Variants in KAT6B observed in about 807,000 individuals in gnomAD.
The protein encoded by KAT6B is lysine acetyltransferase 6B.
A neutral mutation model predicts 187.5 loss-of-function variants in KAT6B; 10 were observed. The observed-to-expected ratio is 0.05, with a 90% CI of 0.03 to 0.09. The LOEUF (loss-of-function observed/expected upper bound fraction) is 0.09. Ranked by LOEUF, KAT6B falls within the 10% of genes least tolerant of loss-of-function variation. The pLI, the probability that KAT6B is intolerant of heterozygous loss-of-function variation, is 1.00. For synonymous variants in KAT6B, 861 were observed against 926.8 expected, an observed-to-expected ratio of 0.93 and a Z score of 1.29; for missense variants, 1,952 against 2,558.9, an observed-to-expected ratio of 0.76 and a Z score of 5.12.
chr10:74,874,796 G>C (rs1345714811), intron 3 of KAT6B, among the ~76,000 whole-genome samples: 2 of 152,060 alleles, frequency 1.3e-5, no homozygotes, highest in African/African-American at 4.8e-5. Context: ...TATGTTTTGT[G>C]TGTGGGTGGT....
At chr10:74,922,104 G>A (rs990629094) in intron 3 of KAT6B, among the ~76,000 whole-genome samples, 4 of 152,096 alleles carry the variant, frequency 2.6e-5, no homozygotes, top group African/African-American at 9.7e-5. Flanking sequence ...AGCTTCTGTA[G>A]ATGTGTCTAA....
Position 75,030,848 on chromosome 10 carries a change from C to T in KAT6B, c.6024C>T (p.Ser2008=), listed in dbSNP as rs929348437. 4 of 1,614,216 alleles carry T rather than the reference C, an allele frequency of 2.5e-6. No individual in the cohort carries two copies. The East Asian group carries it at 8.9e-5, about 36-fold the overall frequency. Residue 2008 remains serine, a synonymous_variant, in exon 18 of 18, where the codon AGC becomes AGT. Coordinates refer to ENST00000287239, the MANE Select transcript of KAT6B (RefSeq NM_012330.4). This position sits in a 1 kb window ranked among gnomAD's most constrained non-coding sequence, Gnocchi z 4.8. The stretch of plus-strand genomic sequence containing the variant: ...CAATGATGAACAGTGGCTACCACAG[C>T]AATCATGGCTATATGAATCAAACGC... ...SQPMMNSGYH[S]NHGYMNQTPQ... is the part of the protein sequence containing the mutation.
chr10:74,853,818 C>T (rs1428346444), intron 3 of KAT6B, among the ~76,000 whole-genome samples: 2 of 149,194 alleles, frequency 1.3e-5, no homozygotes, highest in African/African-American at 4.9e-5. Context: ...TTAGTAGAGA[C>T]GGGGGTTTCA....
intron 2 of KAT6B, among the ~76,000 whole-genome samples, chr10:74,841,749 G>A (rs950049324): frequency 1.3e-5 from 2 of 152,164 alleles, no homozygotes; most frequent in African/African-American, 4.8e-5. Flanking sequence ...ATTAAGAAGT[G>A]GATGTTATCA....
chr10:74,871,787 A>G (rs1309225353), intron 3 of KAT6B, among the ~76,000 whole-genome samples: 1 of 152,224 alleles, frequency 6.6e-6, no homozygotes, highest in Non-Finnish European at 1.5e-5. Flanking sequence ...GGTGCTAGAA[A>G]CACAGACATC....
chr10:74,847,920 CTT>C (rs528371220), intron 3 of KAT6B, among the ~76,000 whole-genome samples: 15 of 131,774 alleles, frequency 1.1e-4, no homozygotes, highest in Non-Finnish European at 1.8e-4. Context: ...TTTTCTTTTT[CTT>C]TTTTTTTTTT....
chr10:74,933,502 G>A (rs1849027359), intron 3 of KAT6B, among the ~76,000 whole-genome samples: 2 of 152,178 alleles, frequency 1.3e-5, no homozygotes, highest in South Asian at 2.1e-4. Flanking sequence ...CTGGTTGTAT[G>A]CTGTTAAAAA....
chr10:75,025,932 GC>G (rs947228754), intron 17 of KAT6B: 8 of 152,514 alleles, frequency 5.2e-5, no homozygotes, highest in African/African-American at 1.9e-4. Context: ...GACTGAGGCA[GC>G]TGGATCACTT....
chr10:74,936,883 A>C lies in KAT6B; in HGVS notation c.622-23087A>C, dbSNP rs1054149650. Among the ~76,000 whole-genome samples the C allele has an allele frequency of 2.6e-5, 4 of 152,264 alleles. No individual in the cohort carries two copies. The East Asian group carries it at 7.7e-4, about 29-fold the overall frequency. ...GTTTTGTATAATAAAATTATTAGAG[A>C]AGTTATGAAGGAGGATGGCATGAGA... On this transcript the variant is annotated intron_variant, in intron 3 of 17. Coordinates refer to ENST00000287239, the MANE Select transcript of KAT6B (RefSeq NM_012330.4).
chr10:74,925,038 A>AT (rs1848392558), intron 3 of KAT6B, among the ~76,000 whole-genome samples: 1 of 152,030 alleles, frequency 6.6e-6, no homozygotes, highest in African/African-American at 2.4e-5. Context: ...CAAAATGTAA[A>AT]TTTACTTTTA....
chr10:74,999,156 A>T (rs1843652816), intron 13 of KAT6B, among the ~76,000 whole-genome samples: 1 of 152,250 alleles, frequency 6.6e-6, no homozygotes, highest in Non-Finnish European at 1.5e-5. Context: ...GACAGTGAGG[A>T]TGCATGGAAA....
intron 1 of KAT6B, among the ~76,000 whole-genome samples, chr10:74,838,467 A>T (rs767962046): frequency 1.3e-5 from 2 of 152,210 alleles, no homozygotes; most frequent in Non-Finnish European, 2.9e-5. Flanking sequence ...TTACTTCTAT[A>T]GGCACTTGGC....
chr10:74,982,081 T>G (rs982098825), intron 11 of KAT6B, 153 bp downstream of exon 11: 22 of 675,878 alleles, frequency 3.3e-5, no homozygotes, highest in Non-Finnish European at 5.4e-5. Context: ...TGTTTTGGAA[T>G]GTTTATCTAA....
chr10:74,839,938 GTAGATGACA>G, intron 2 of KAT6B, among the ~76,000 whole-genome samples: 1 of 152,306 alleles, frequency 6.6e-6, no homozygotes, highest in East Asian at 1.9e-4. Flanking sequence ...TATTAGATTT[GTAGATGACA>G]TAGATGACAG....
intron 3 of KAT6B, among the ~76,000 whole-genome samples, chr10:74,908,828 AT>A (rs1173959187): frequency 6.6e-6 from 1 of 151,972 alleles, no homozygotes; most frequent in East Asian, 1.9e-4. Flanking sequence ...TTTAAAAATT[AT>A]TTTATGTGTA....
chr10:74,843,503 C>T (rs1284524491), intron 3 of KAT6B, 25 bp downstream of exon 3: 1 of 1,611,810 alleles, frequency 6.2e-7, no homozygotes, highest in Non-Finnish European at 8.5e-7. Context: ...AATGTTCGTG[C>T]ATTCTCACTA....
At chr10:75,006,533 CT>C (rs1449559050) in intron 13 of KAT6B, among the ~76,000 whole-genome samples, 1 of 152,136 alleles carries the variant, frequency 6.6e-6, no homozygotes, top group Non-Finnish European at 1.5e-5. Flanking sequence ...TTACTGCAGC[CT>C]CACCTCCTAG....
intron 13 of KAT6B, among the ~76,000 whole-genome samples, chr10:75,011,927 A>C (rs1011503110): frequency 2.6e-5 from 4 of 152,164 alleles, no homozygotes; most frequent in African/African-American, 9.7e-5. Flanking sequence ...CTACCACTAT[A>C]GCCCTGTGAG....
intron 3 of KAT6B, among the ~76,000 whole-genome samples, chr10:74,851,172 A>G (rs1466969511): frequency 5.3e-5 from 8 of 151,872 alleles, no homozygotes; most frequent in East Asian, 1.9e-4. Flanking sequence ...CAGTGGCGCA[A>G]TCTCGGCTCA....
Sources: gnomAD v4.1 joint callset for allele counts (sites outside exome capture counted in the v4.1 genomes callset) on GRCh38, gnomAD v4.1.1 for gene constraint, Gnocchi (gnomAD v3.1) non-coding constraint, MANE v1.5 for transcripts, NCBI Gene and HGNC (gene_info 2026-07-23, HGNC 2026-07-21) for gene names.